CDH8: variants seen among roughly 807,000 people sequenced by gnomAD.
CDH8 encodes cadherin 8.
A neutral mutation model predicts 68.1 loss-of-function variants in CDH8; 17 were observed. That is an observed-to-expected ratio of 0.25 (90% CI 0.17 to 0.37). The LOEUF is 0.37. Ranked by LOEUF, CDH8 falls within the 10% of genes least tolerant of loss-of-function variation. The pLI is 1.00. For synonymous variants in CDH8, 372 were observed against 365.1 expected (o/e 1.02, Z -0.21); for missense variants, 763 against 999.3 (o/e 0.76, Z 3.19).
At chr16:61,672,598 C>T (rs1038214431) in intron 10 of CDH8, among the ~76,000 whole-genome samples, 2 of 151,880 alleles carry the variant, frequency 1.3e-5, no homozygotes, top group Non-Finnish European at 2.9e-5. Flanking sequence ...GTTATTATTA[C>T]CATATGCAAG....
intron 2 of CDH8, among the ~76,000 whole-genome samples, chr16:61,945,769 A>G (rs1231670803): frequency 6.6e-6 from 1 of 152,176 alleles, no homozygotes; most frequent in Non-Finnish European, 1.5e-5. Context: ...ATCAAGAGAA[A>G]TATGTTGCTA....
chr16:61,817,382 T>A (rs976893175), intron 7 of CDH8, 97 bp downstream of exon 7: 8 of 1,190,276 alleles, frequency 6.7e-6, no homozygotes, highest in Non-Finnish European at 9.9e-6. Context: ...GTGAGCATAG[T>A]CCCAAGGAGA....
intron 4 of CDH8, among the ~76,000 whole-genome samples, chr16:61,837,938 G>A (rs1327297695): frequency 6.6e-6 from 1 of 152,018 alleles, no homozygotes; most frequent in African/African-American, 2.4e-5. Context: ...CTTCCTTGGA[G>A]GGAAGCCGGA....
intron 2 of CDH8, among the ~76,000 whole-genome samples, chr16:61,903,650 T>G (rs933473374): frequency 2.0e-4 from 31 of 152,314 alleles, no homozygotes; most frequent in African/African-American, 7.2e-4. Flanking sequence ...AAAGCTAAGA[T>G]TCTGGTTTCT....
intron 2 of CDH8, among the ~76,000 whole-genome samples, chr16:61,998,859 T>G (rs1181677843): frequency 6.6e-6 from 1 of 152,164 alleles, no homozygotes; most frequent in Non-Finnish European, 1.5e-5. Flanking sequence ...TTTATTCTAA[T>G]GACTTACTGA....
chr16:61,743,779 G>A (rs1959941842), intron 8 of CDH8, among the ~76,000 whole-genome samples: 1 of 152,108 alleles, frequency 6.6e-6, no homozygotes, highest in African/African-American at 2.4e-5. Context: ...TTCTAATGTA[G>A]ACACTTAAGG....
chr16:61,941,263 T>C (rs1964719803), intron 2 of CDH8, among the ~76,000 whole-genome samples: 1 of 152,242 alleles, frequency 6.6e-6, no homozygotes, highest in South Asian at 2.1e-4. Context: ...AATACCTTTT[T>C]TCCTCTTCTT....
rs1963414000 is a variant in CDH8 at position 61,655,169 on chromosome 16, C to T, written c.1906+301G>A. 2.0e-5 allele frequency among the ~76,000 whole-genome samples: 3 copies of T among 152,268 alleles called. No individual in the cohort carries two copies. In the South Asian group the frequency reaches 6.2e-4, roughly 32 times the overall value. On this transcript the variant is annotated intron_variant, in intron 11 of 11. Coordinates refer to ENST00000577390, the MANE Select transcript of CDH8 (RefSeq NM_001796.5). ...TCACACCCAGAGTTCTTCTTATGCACTAGATGGTGTTGTAACGACGTAAAA... is the reference window on the plus strand; with the variant it reads ...TCACACCCAGAGTTCTTCTTATGCATTAGATGGTGTTGTAACGACGTAAAA...
chr16:61,855,112 A>G (rs749404882), intron 4 of CDH8, among the ~76,000 whole-genome samples: 2 of 152,130 alleles, frequency 1.3e-5, no homozygotes, highest in East Asian at 1.9e-4. Context: ...TTCAAGTATC[A>G]TCTATCTCCA....
In CDH8 at chr16:62,029,465, T is replaced by C. The variant is rs112720898; in HGVS notation, c.-200+6615A>G. Among the ~76,000 whole-genome samples, 501 of 152,234 alleles carry C rather than the reference T, an allele frequency of 3.3e-3. 3 individuals are homozygous for C. The highest frequency in any genetic ancestry group is 8.8e-3 in the African/African-American group (367 of 41,560). On this transcript the variant is annotated intron_variant, in intron 1 of 11. Transcript: ENST00000577390. ...TAGCTTTCCCTCTCCACAACTAACA[T>C]ACAATTAAAGCAATGACTTCGAGTA...
At chr16:62,026,922 A>G (rs1902210504) in intron 1 of CDH8, among the ~76,000 whole-genome samples, 1 of 152,360 alleles carries the variant, frequency 6.6e-6, no homozygotes, top group South Asian at 2.1e-4. Context: ...TGTTATCAGT[A>G]TTAATTAATA....
chr16:61,756,476 G>T (rs1199342451), intron 8 of CDH8, among the ~76,000 whole-genome samples: 1 of 151,952 alleles, frequency 6.6e-6, no homozygotes, highest in East Asian at 1.9e-4. Context: ...GGAGGCAACA[G>T]AAATACACAC....
intron 3 of CDH8, among the ~76,000 whole-genome samples, chr16:61,872,578 G>A (rs948841469): frequency 7.2e-5 from 11 of 152,182 alleles, no homozygotes; most frequent in African/African-American, 2.7e-4. Context: ...CCAGGTAGCA[G>A]GCTTCAGAGA....
At chr16:61,678,366 G>A (rs1333371115) in intron 10 of CDH8, among the ~76,000 whole-genome samples, 5 of 151,946 alleles carry the variant, frequency 3.3e-5, no homozygotes, top group African/African-American at 1.2e-4. Flanking sequence ...TACAGAGTTT[G>A]ACTCTTCATC....
intron 3 of CDH8, among the ~76,000 whole-genome samples, chr16:61,872,914 T>C (rs545615948): frequency 6.6e-6 from 1 of 152,312 alleles, no homozygotes; most frequent in South Asian, 2.1e-4. Context: ...TTTAGGATGA[T>C]ACAAAGAAGT....
At chr16:62,026,219 A>C (rs918718813) in intron 1 of CDH8, among the ~76,000 whole-genome samples, 1 of 152,202 alleles carries the variant, frequency 6.6e-6, no homozygotes, top group Non-Finnish European at 1.5e-5. Flanking sequence ...CTCTGTTAAA[A>C]CCCAATAAAG....
intron 8 of CDH8, among the ~76,000 whole-genome samples, chr16:61,783,023 A>G (rs1350176988): frequency 6.7e-6 from 1 of 149,658 alleles, no homozygotes; most frequent in Non-Finnish European, 1.5e-5. Context: ...TCTAAAACGC[A>G]GAGCGCCTCT....
At chr16:61,695,712 A>C (rs533088985) in intron 10 of CDH8, among the ~76,000 whole-genome samples, 1 of 152,246 alleles carries the variant, frequency 6.6e-6, no homozygotes, top group Non-Finnish European at 1.5e-5. Flanking sequence ...TTGATCATCA[A>C]TTCTTAGTAA....
chr16:61,684,992 AC>A (rs1325608298), intron 10 of CDH8, among the ~76,000 whole-genome samples: 1 of 151,768 alleles, frequency 6.6e-6, no homozygotes, highest in Admixed American at 6.6e-5. Context: ...TATTTAAGTT[AC>A]CCGCCTATTT....
Sources: gnomAD v4.1 joint callset for allele counts (sites outside exome capture counted in the v4.1 genomes callset) on GRCh38, gnomAD v4.1.1 for gene constraint, MANE v1.5 for transcripts, NCBI Gene and HGNC (gene_info 2026-07-23, HGNC 2026-07-21) for gene names.